The following PPP2R5C variants were observed in gnomAD, a reference collection of about 807,000 sequenced individuals.
PPP2R5C encodes the protein serine/threonine-protein phosphatase 2A 56 kDa regulatory subunit gamma isoform.
Under a neutral mutation model 68.9 loss-of-function variants are expected in PPP2R5C, and 7 were observed. The observed-to-expected ratio is 0.10, with a 90% CI of 0.06 to 0.19. The LOEUF is 0.19. Ranked by LOEUF, PPP2R5C falls within the 10% of genes least tolerant of loss-of-function variation. The pLI is 1.00. For missense variants in PPP2R5C, 348 were observed against 641.3 expected, an observed-to-expected ratio of 0.54 and a Z score of 4.94; for synonymous variants, 210 against 222.2, an observed-to-expected ratio of 0.95 and a Z score of 0.49.
chr14:101,893,607 G>A (rs549776541), intron 7 of PPP2R5C, among the ~76,000 whole-genome samples: 3 of 152,312 alleles, frequency 2.0e-5, no homozygotes, highest in South Asian at 2.1e-4. Context: ...AAAACTAGCC[G>A]GGCATGGTGG....
chr14:101,880,005 G>A (rs2044057462), intron 2 of PPP2R5C, among the ~76,000 whole-genome samples: 1 of 152,196 alleles, frequency 6.6e-6, no homozygotes, highest in African/African-American at 2.4e-5. Context: ...GCCAGGAGGG[G>A]CAGACTAGAC....
chr14:101,885,195 G>C (rs897252819), intron 5 of PPP2R5C, among the ~76,000 whole-genome samples: 18 of 152,202 alleles, frequency 1.2e-4, no homozygotes, highest in African/African-American at 4.1e-4. Flanking sequence ...TGTCAGCCAC[G>C]CCCAACACGG....
chr14:101,780,037 C>T (rs2037600578), intron 2 of PPP2R5C, among the ~76,000 whole-genome samples: 1 of 152,176 alleles, frequency 6.6e-6, no homozygotes, highest in African/African-American at 2.4e-5. Flanking sequence ...TTATCCAGGC[C>T]TCCTCCTCCA....
chr14:101,897,691 A>T (rs1245665480), intron 8 of PPP2R5C, among the ~76,000 whole-genome samples: 1 of 151,988 alleles, frequency 6.6e-6, no homozygotes, highest in African/African-American at 2.4e-5. Flanking sequence ...CCACTGACTC[A>T]CATGTTAATC....
chr14:101,884,627 G>C (rs1485620054), intron 5 of PPP2R5C, among the ~76,000 whole-genome samples: 1 of 152,216 alleles, frequency 6.6e-6, no homozygotes, highest in Non-Finnish European at 1.5e-5. Flanking sequence ...CCAGTGGCAG[G>C]CCCACCTCCA....
At chr14:101,868,505 C>T (rs932629251) in intron 2 of PPP2R5C, among the ~76,000 whole-genome samples, 1 of 152,126 alleles carries the variant, frequency 6.6e-6, no homozygotes, top group Non-Finnish European at 1.5e-5. Flanking sequence ...TGCTGAGAAA[C>T]TTTTGGGATG....
chr14:101,810,851 G>A (rs1197321047), intron 1 of PPP2R5C, among the ~76,000 whole-genome samples: 1 of 152,066 alleles, frequency 6.6e-6, no homozygotes, highest in African/African-American at 2.4e-5. Flanking sequence ...CAGGCATCAG[G>A]GTAGTAGCCT....
At chr14:101,830,316 A>G (rs1311600112) in intron 1 of PPP2R5C, among the ~76,000 whole-genome samples, 1 of 152,250 alleles carries the variant, frequency 6.6e-6, no homozygotes, top group Non-Finnish European at 1.5e-5. Flanking sequence ...TGGGAACTCT[A>G]CACTGCTGTC....
At chr14:101,809,744 T>C (rs1346202684), upstream of PPP2R5C, 1 of 1,173,324 alleles carries the variant, frequency 8.5e-7, no homozygotes, top group African/African-American at 1.6e-5. Flanking sequence ...AACAGAACGC[T>C]CTTTCCGTTT....
chr14:101,889,421 C>T (rs2044716358), intron 5 of PPP2R5C, among the ~76,000 whole-genome samples: 1 of 152,190 alleles, frequency 6.6e-6, no homozygotes, highest in Admixed American at 6.5e-5. Flanking sequence ...TAACATGTCC[C>T]TGTTCCCTCT....
intron 2 of PPP2R5C, among the ~76,000 whole-genome samples, chr14:101,763,260 C>A (rs1466442864): frequency 6.6e-6 from 1 of 152,054 alleles, no homozygotes; most frequent in East Asian, 1.9e-4. Context: ...CACTTTGTCA[C>A]GCAGGCTGGA....
Position 101,882,678 on chromosome 14 carries a change from GAGGCGCC to G in PPP2R5C, c.405+411_405+417del, listed in dbSNP as rs2044236629. 6.1e-6 allele frequency: 1 copy of G among 165,224 alleles called. No individual in the cohort carries two copies. The allele number at this position is 165,224 out of a possible 1,614,324, so 10.2% of individuals were successfully genotyped here. On this transcript the variant is annotated intron_variant, in intron 3 of 13. Transcript: ENST00000334743. This position sits in a 1 kb window ranked among gnomAD's most constrained non-coding sequence, Gnocchi z 4.9. ...GTAAGGCAGAAGGTTGGTTGGCAAGGAGGCGCCAGGGTCGGCATGAGCAGAGCGGGGG... is the reference window on the plus strand; with the variant it reads ...GTAAGGCAGAAGGTTGGTTGGCAAGGAGGGTCGGCATGAGCAGAGCGGGGG...
intron 2 of PPP2R5C, among the ~76,000 whole-genome samples, chr14:101,769,710 A>G (rs953871356): frequency 1.3e-5 from 2 of 152,224 alleles, no homozygotes; most frequent in African/African-American, 4.8e-5. Context: ...TCTTTTACAT[A>G]TTCAGTGGAA....
intron 9 of PPP2R5C, among the ~76,000 whole-genome samples, chr14:101,904,606 C>T (rs1341621979): frequency 6.6e-6 from 1 of 152,188 alleles, no homozygotes; most frequent in African/African-American, 2.4e-5. Flanking sequence ...CTGCAAAGTT[C>T]ATCCCAGCTC....
chr14:101,817,816 T>C (rs2039813407), intron 1 of PPP2R5C, among the ~76,000 whole-genome samples: 2 of 151,556 alleles, frequency 1.3e-5, no homozygotes, highest in African/African-American at 4.9e-5. Context: ...TTTTTGAAAG[T>C]TAAGTGAATG....
chr14:101,925,288 G>C, exon 14 of PPP2R5C: 1 of 1,610,860 alleles, frequency 6.2e-7, no homozygotes, highest in South Asian at 1.1e-5. Context: ...GGGGCGCCGC[G>C]TCGGGGCCGG....
In PPP2R5C at chr14:101,823,367, T is replaced by G. The variant is rs2040199578; in HGVS notation, c.94+13331T>G. Among the ~76,000 whole-genome samples, 3 of 152,192 alleles carry G rather than the reference T, an allele frequency of 2.0e-5. No individual in the cohort carries two copies. The South Asian group carries it at 6.2e-4, about 31-fold the overall frequency. ...TGATTTATTTTGTATTATCCGGTATTCCAAGCATTACCATCATTCATCTCT... is the reference window on the plus strand; with the variant it reads ...TGATTTATTTTGTATTATCCGGTATGCCAAGCATTACCATCATTCATCTCT... On this transcript the variant is annotated intron_variant, in intron 1 of 13. Coordinates refer to ENST00000334743, the Ensembl canonical transcript of PPP2R5C.
At chr14:101,908,427 G>A (rs376164150) in intron 10 of PPP2R5C, among the ~76,000 whole-genome samples, 1 of 152,136 alleles carries the variant, frequency 6.6e-6, no homozygotes, top group Non-Finnish European at 1.5e-5. Context: ...AGACTGGAGT[G>A]CAGTGGCACC....
At chr14:101,853,293 A>G (rs1158448132) in intron 1 of PPP2R5C, among the ~76,000 whole-genome samples, 4 of 152,132 alleles carry the variant, frequency 2.6e-5, no homozygotes, top group Non-Finnish European at 4.4e-5. Context: ...GATTTTTTAA[A>G]TGAAGAAAAG....
Sources: allele counts gnomAD v4.1 joint callset (sites outside exome capture counted in the v4.1 genomes callset), GRCh38; gene constraint gnomAD v4.1.1; non-coding constraint Gnocchi (gnomAD v3.1); transcripts MANE v1.5; gene names NCBI Gene and HGNC (gene_info 2026-07-23, HGNC 2026-07-21).